Variants in EYA2 observed in about 807,000 individuals in gnomAD.
EYA2 encodes the protein EYA transcriptional coactivator and phosphatase 2.
In EYA2, 31 loss-of-function variants were observed where a neutral mutation model predicts 69.2. The ratio of observed to expected loss-of-function variants is 0.45; its 90% CI spans 0.34 to 0.60. The LOEUF (loss-of-function observed/expected upper bound fraction) is 0.60, where lower values mean the gene tolerates loss of function less well. Among genes scored for constraint, EYA2 ranks in the 20% least tolerant of loss-of-function variants. EYA2 has a pLI of 0.02. For synonymous variants in EYA2, 257 were observed against 279.4 expected, an observed-to-expected ratio of 0.92 and a Z score of 0.80; for missense variants, 622 against 701.2, an observed-to-expected ratio of 0.89 and a Z score of 1.28.
intron 9 of EYA2, among the ~76,000 whole-genome samples, chr20:47,141,032 A>G (rs2033583484): frequency 1.3e-5 from 2 of 152,308 alleles, no homozygotes; most frequent in African/African-American, 4.8e-5. Context: ...TCATGACCCA[A>G]ACACCTCCTA....
chr20:47,081,789 AAAAAG>A (rs1463923846), intron 7 of EYA2, among the ~76,000 whole-genome samples: 3 of 151,534 alleles, frequency 2.0e-5, no homozygotes, highest in East Asian at 3.9e-4. Flanking sequence ...AAAAAAAAAA[AAAAAG>A]AAGAAAGAAA....
chr20:47,044,894 C>T (rs182931954), intron 5 of EYA2, among the ~76,000 whole-genome samples: 89 of 152,264 alleles, frequency 5.8e-4, no homozygotes, highest in African/African-American at 2.1e-3. Context: ...TCTCACTGTA[C>T]TCATCTAGAG....
At chr20:47,098,016 C>G (rs2032303442) in intron 9 of EYA2, among the ~76,000 whole-genome samples, 1 of 152,140 alleles carries the variant, frequency 6.6e-6, no homozygotes, top group East Asian at 1.9e-4. Flanking sequence ...GTTTAGAGAC[C>G]AGGAATATGA....
chr20:46,903,795 G>A (rs6066105), intron 1 of EYA2, among the ~76,000 whole-genome samples: 33,590 of 151,888 alleles, frequency 0.22, 4,926 homozygotes, highest in Non-Finnish European at 0.32. Context: ...AATTTGACCT[G>A]AAGCAAATTA....
intron 1 of EYA2, among the ~76,000 whole-genome samples, chr20:46,904,961 C>T (rs1010165723): frequency 3.3e-5 from 5 of 152,134 alleles, no homozygotes; most frequent in East Asian, 1.9e-4. Context: ...GGAGTCTGAA[C>T]GGTTAGCTCT....
At chr20:47,075,865 C>T (rs372084777) in intron 7 of EYA2, among the ~76,000 whole-genome samples, 2 of 152,308 alleles carry the variant, frequency 1.3e-5, no homozygotes, top group East Asian at 3.9e-4. Flanking sequence ...ATCCTCTACC[C>T]TCAAGTAGGT....
rs954543414 is a variant in EYA2, at chr20:46,898,644, A to G, written c.-11+3657A>G. On this transcript the variant is annotated intron_variant, in intron 1 of 15. Transcript: ENST00000327619. ...CTGTTTGAAGATCGTAACTGGCCTAATGGTGTTTGACTAACACCCTTTTCT... is the reference window on the plus strand; with the variant it reads ...CTGTTTGAAGATCGTAACTGGCCTAGTGGTGTTTGACTAACACCCTTTTCT... Among the ~76,000 whole-genome samples, 5 of 152,338 alleles carry G rather than the reference A, an allele frequency of 3.3e-5. No homozygotes were observed. The East Asian group carries it at 5.8e-4, about 18-fold the overall frequency.
chr20:47,188,668 CA>C lies in EYA2; in HGVS notation c.*537del, dbSNP rs1265368912. 6 of 294,870 alleles carry C rather than the reference CA, an allele frequency of 2.0e-5. No homozygotes were observed. The highest frequency in any genetic ancestry group is 3.8e-5 in the Non-Finnish European group (6 of 158,858). 18.3% of individuals were successfully genotyped at this position (294,870 alleles called of 1,614,324 possible). A position where few individuals can be genotyped will look rare whatever the true frequency, so the allele number is the denominator to read the frequency against. On this transcript the variant is annotated 3_prime_UTR_variant, in exon 16 of 16. Coordinates refer to ENST00000327619, the MANE Select transcript of EYA2 (RefSeq NM_005244.5). ...TTGAACATTAGAGAGGAAGGCAGTT[CA>C]AGCTGTTGAAAAGACTATTGCTTAT...
At chr20:47,163,490 G>A (rs1045444231) in intron 10 of EYA2, among the ~76,000 whole-genome samples, 8 of 151,900 alleles carry the variant, frequency 5.3e-5, no homozygotes, top group African/African-American at 1.9e-4. Context: ...TCTGAGGTCG[G>A]GAGTTCAAGA....
At chr20:46,898,553 C>T (rs894098691) in intron 1 of EYA2, among the ~76,000 whole-genome samples, 6 of 152,066 alleles carry the variant, frequency 3.9e-5, no homozygotes, top group Non-Finnish European at 8.8e-5. Context: ...ACATACAAAA[C>T]AAAAAGAAGA....
At chr20:47,063,406 T>C (rs1185981658) in intron 5 of EYA2, among the ~76,000 whole-genome samples, 1 of 151,436 alleles carries the variant, frequency 6.6e-6, no homozygotes, top group Non-Finnish European at 1.5e-5. Flanking sequence ...TGTGTGTGTG[T>C]GTGTGTGTGT....
rs115736830 is a variant in EYA2, at chr20:46,904,089, G to A, written c.-11+9102G>A. 4.9e-3 allele frequency among the ~76,000 whole-genome samples: 753 copies of A among 152,256 alleles called. 3 individuals carry two copies. The highest frequency in any genetic ancestry group is 0.018 in the African/African-American group (727 of 41,540). ...ACAGGCCCTGGACTCAGACAGATCT[G>A]GCCTGAGCCTGAGTCAGTCCATCAC... On this transcript the variant is annotated intron_variant, in intron 1 of 15. Transcript: ENST00000327619.
At chr20:47,043,138 CT>C (rs1434158106) in intron 5 of EYA2, among the ~76,000 whole-genome samples, 1 of 152,196 alleles carries the variant, frequency 6.6e-6, no homozygotes, top group African/African-American at 2.4e-5. Context: ...ATCCTGCTGT[CT>C]TACAGAGCTC....
At chr20:46,920,835 C>A (rs956473107) in intron 1 of EYA2, among the ~76,000 whole-genome samples, 1 of 152,222 alleles carries the variant, frequency 6.6e-6, no homozygotes, top group Non-Finnish European at 1.5e-5. Context: ...CAGGACTCAT[C>A]ATCTCTCTGG....
chr20:47,084,203 G>A (rs184715830), intron 7 of EYA2, among the ~76,000 whole-genome samples: 62 of 152,144 alleles, frequency 4.1e-4, no homozygotes, highest in Non-Finnish European at 1.8e-4. Context: ...CCAGAATTGC[G>A]CCACTGCACT....
chr20:47,048,119 G>A (rs1295916898), intron 5 of EYA2, among the ~76,000 whole-genome samples: 1 of 152,172 alleles, frequency 6.6e-6, no homozygotes, highest in Non-Finnish European at 1.5e-5. Context: ...CACAAATTCC[G>A]AGGATTAGGA....
intron 1 of EYA2, among the ~76,000 whole-genome samples, chr20:46,909,443 C>T (rs1984539418): frequency 1.3e-5 from 2 of 152,120 alleles, no homozygotes; most frequent in South Asian, 4.1e-4. Flanking sequence ...TCGGCCTCCC[C>T]AGCCCCAAAG....
chr20:47,098,717 A>G (rs77996866), intron 9 of EYA2, among the ~76,000 whole-genome samples: 3 of 152,050 alleles, frequency 2.0e-5, no homozygotes, highest in Non-Finnish European at 4.4e-5. Context: ...TCGGCTTCCT[A>G]TCTGGTCTCC....
At chr20:47,113,910 T>G (rs1343693741) in intron 9 of EYA2, among the ~76,000 whole-genome samples, 1 of 151,542 alleles carries the variant, frequency 6.6e-6, no homozygotes, top group East Asian at 1.9e-4. Flanking sequence ...TCCACTGTGC[T>G]TCTGGGGTTT....
Sources: allele counts gnomAD v4.1 joint callset (sites outside exome capture counted in the v4.1 genomes callset), GRCh38; gene constraint gnomAD v4.1.1; transcripts MANE v1.5; gene names NCBI Gene and HGNC (gene_info 2026-07-23, HGNC 2026-07-21).